The following CEP112 variants were observed in gnomAD, a reference collection of about 807,000 sequenced individuals.
CEP112 encodes centrosomal protein 112.
CEP112 carries 127 observed loss-of-function variants against 153.0 expected under a neutral mutation model. The observed-to-expected ratio is 0.83, with a 90% CI of 0.72 to 0.96. CEP112 has a LOEUF of 0.96. Among genes scored for constraint, CEP112 ranks in the 40% least tolerant of loss-of-function variants. The pLI, the probability that CEP112 is intolerant of heterozygous loss-of-function variation, is 0.00. For synonymous variants in CEP112, 358 were observed against 374.4 expected (o/e 0.96, Z 0.51); for missense variants, 1,089 against 1,101.2 (o/e 0.99, Z 0.16).
intron 21 of CEP112, among the ~76,000 whole-genome samples, chr17:65,813,542 C>A (rs1598659703): frequency 6.6e-6 from 1 of 152,182 alleles, no homozygotes; most frequent in Non-Finnish European, 1.5e-5. Context: ...ACATTCCTGA[C>A]ATAGGTGTTG....
intron 20 of CEP112, among the ~76,000 whole-genome samples, chr17:65,872,628 G>A (rs2058701735): frequency 6.6e-6 from 1 of 152,090 alleles, no homozygotes; most frequent in Admixed American, 6.5e-5. Context: ...CAAAACCATG[G>A]ACACCAATAG....
At chr17:65,947,815 T>C (rs2061695517) in intron 18 of CEP112, among the ~76,000 whole-genome samples, 1 of 152,166 alleles carries the variant, frequency 6.6e-6, no homozygotes, top group Non-Finnish European at 1.5e-5. Context: ...GAGACATTTC[T>C]ACATTATCAT....
intron 6 of CEP112, among the ~76,000 whole-genome samples, chr17:66,108,047 G>T (rs1461027931): frequency 1.3e-5 from 2 of 152,196 alleles, no homozygotes; most frequent in South Asian, 2.1e-4. Flanking sequence ...ATATGCTGGG[G>T]AAAGGATACT....
intron 16 of CEP112, among the ~76,000 whole-genome samples, chr17:66,013,924 C>T (rs533545367): frequency 1.3e-5 from 2 of 152,276 alleles, no homozygotes; most frequent in South Asian, 2.1e-4. Flanking sequence ...TGGCAAACTC[C>T]TTGTGCATGT....
At chr17:66,059,893 A>T (rs911304811) in intron 11 of CEP112, among the ~76,000 whole-genome samples, 2 of 152,210 alleles carry the variant, frequency 1.3e-5, no homozygotes, top group Non-Finnish European at 2.9e-5. Context: ...CATGGAATCA[A>T]CCTAGATGTC....
At chr17:65,911,950 TG>T (rs2143831232) in intron 19 of CEP112, among the ~76,000 whole-genome samples, 1 of 152,284 alleles carries the variant, frequency 6.6e-6, no homozygotes, top group Non-Finnish European at 1.5e-5. Context: ...CCATGTCAAA[TG>T]CCAGTAGCTC....
chr17:66,169,270 T>G (rs2072136014), intron 4 of CEP112, among the ~76,000 whole-genome samples: 1 of 149,478 alleles, frequency 6.7e-6, no homozygotes. Context: ...ATGAGCCAAT[T>G]TTTAATTTCT....
intron 20 of CEP112, among the ~76,000 whole-genome samples, chr17:65,887,701 A>T (rs557581295): frequency 2.6e-4 from 39 of 152,310 alleles, no homozygotes; most frequent in African/African-American, 8.9e-4. Flanking sequence ...TAGGAAGCAG[A>T]GAGGTGGAGT....
chr17:65,782,010 C>A (rs2054023864), intron 21 of CEP112, among the ~76,000 whole-genome samples: 1 of 151,998 alleles, frequency 6.6e-6, no homozygotes, highest in Non-Finnish European at 1.5e-5. Context: ...ACAAGTGGAA[C>A]CTAATTAAAC....
chr17:65,973,107 A>C (rs1416612472), intron 17 of CEP112, among the ~76,000 whole-genome samples: 1 of 152,224 alleles, frequency 6.6e-6, no homozygotes, highest in African/African-American at 2.4e-5. Flanking sequence ...AGTATATACA[A>C]AATTACTAAA....
chr17:65,822,236 T>C (rs1216565345), intron 21 of CEP112, among the ~76,000 whole-genome samples: 4 of 151,984 alleles, frequency 2.6e-5, no homozygotes, highest in African/African-American at 9.7e-5. Flanking sequence ...TCCATGTTGG[T>C]TTATATTGTT....
At chr17:65,971,187 A>T (rs1382298847) in intron 17 of CEP112, among the ~76,000 whole-genome samples, 83 of 151,978 alleles carry the variant, frequency 5.5e-4, no homozygotes. Flanking sequence ...TGTACAGCAC[A>T]TGCATATCAC....
intron 12 of CEP112, among the ~76,000 whole-genome samples, chr17:66,036,671 C>T (rs2065753675): frequency 6.6e-6 from 1 of 152,132 alleles, no homozygotes; most frequent in South Asian, 2.1e-4. Context: ...GCCACAGTTG[C>T]CCTACTGGTA....
intron 19 of CEP112, chr17:65,913,583 A>G (rs1462480327): frequency 1.0e-6 from 1 of 985,252 alleles, no homozygotes; most frequent in Non-Finnish European, 1.2e-6. Context: ...ACATCCATGA[A>G]ATCTGTCAAT....
intron 25 of CEP112, among the ~76,000 whole-genome samples, chr17:65,638,458 TG>T (rs1298644641): frequency 4.6e-5 from 7 of 152,342 alleles, no homozygotes; most frequent in African/African-American, 1.7e-4. Context: ...GGAGTACAGC[TG>T]GCAGAACAGA....
intron 12 of CEP112, among the ~76,000 whole-genome samples, chr17:66,031,740 G>A (rs2065496142): frequency 6.6e-6 from 1 of 152,086 alleles, no homozygotes; most frequent in African/African-American, 2.4e-5. Flanking sequence ...AGGATTACAG[G>A]CGTGTGCCAC....
At chr17:66,172,348 G>A (rs767090697) in intron 4 of CEP112, among the ~76,000 whole-genome samples, 3 of 152,064 alleles carry the variant, frequency 2.0e-5, no homozygotes, top group Non-Finnish European at 2.9e-5. Flanking sequence ...TGGCGGGGTC[G>A]CCTAAACTGC....
intron 21 of CEP112, among the ~76,000 whole-genome samples, chr17:65,810,815 C>T (rs888576643): frequency 2.6e-5 from 4 of 152,012 alleles, no homozygotes; most frequent in African/African-American, 9.7e-5. Context: ...GTGTAGTGTA[C>T]TAGTGAAGAC....
At chr17:65,897,009 C>T (rs968302322) in intron 20 of CEP112, among the ~76,000 whole-genome samples, 2 of 152,088 alleles carry the variant, frequency 1.3e-5, no homozygotes, top group African/African-American at 4.8e-5. Context: ...CCACTTAATA[C>T]TTAAAACACA....
Sources: gnomAD v4.1 joint callset for allele counts (sites outside exome capture counted in the v4.1 genomes callset) on GRCh38, gnomAD v4.1.1 for gene constraint, MANE v1.5 for transcripts, NCBI Gene and HGNC (gene_info 2026-07-23, HGNC 2026-07-21) for gene names.